Variants in CCDC39 observed in about 807,000 individuals in gnomAD.
CCDC39 encodes coiled-coil domain-containing protein 39.
CCDC39 carries 113 observed loss-of-function variants against 121.0 expected under a neutral mutation model. That is an observed-to-expected ratio of 0.93 (90% confidence interval 0.80 to 1.09). The LOEUF is 1.09. Among genes scored for constraint, CCDC39 ranks in the 50% least tolerant of loss-of-function variants. CCDC39 has a pLI of 0.00. For synonymous variants in CCDC39, 349 were observed against 352.2 expected (o/e 0.99, Z 0.10); for missense variants, 1,063 against 1,074.7 (o/e 0.99, Z 0.15).
Position 180,663,905 on chromosome 3 carries a change from G to C in CCDC39, c.172C>G (p.His58Asp). The C allele has an allele frequency of 6.2e-7, 1 of 1,612,326 alleles. No individual in the cohort carries two copies. The highest frequency in any genetic ancestry group is 8.5e-7 in the Non-Finnish European group (1 of 1,179,154). Reference protein sequence around the residue: ...YEERINSMTSHFKNVKQELSI... With the variant: ...YEERINSMTSDFKNVKQELSI... ...AGCTCTTGCTTAACATTTTTGAAGT[G>C]AGAAGTCATAGAATTAATTCGCTCT... The change falls in exon 2 of 20, where the codon CAC (histidine) becomes GAC (aspartate). Residue 58 changes from histidine (H) to aspartate (D), a missense_variant. Transcript: ENST00000476379.
In CCDC39 at chr3:180,659,704, G is replaced by A. The variant is rs954304277; in HGVS notation, c.582C>T (p.Asn194=). The A allele has an allele frequency of 8.7e-6, 14 of 1,612,022 alleles. No individual in the cohort carries two copies. The highest frequency in any genetic ancestry group is 1.7e-5 in the Admixed American group (1 of 59,844). Residue 194 remains asparagine, a synonymous_variant, in exon 5 of 20, where the codon AAC becomes AAT. Transcript: ENST00000476379. ...ECNQKRKILD[N]ELTETISAQL... ...GTGCGCTTATAGTCTCTGTAAGTTCGTTGTCAAGTATCTTTCTTTTCTGAT... is the reference window on the plus strand; with the variant it reads ...GTGCGCTTATAGTCTCTGTAAGTTCATTGTCAAGTATCTTTCTTTTCTGAT...
chr3:180,642,005 C>G lies in CCDC39; in HGVS notation c.1862G>C (p.Arg621Pro). 1 of 1,575,618 alleles carries G rather than the reference C, an allele frequency of 6.3e-7. No homozygotes were observed. Among genetic ancestry groups the G allele is most frequent in the South Asian group, 1.2e-5 (1 of 83,474 alleles). The change falls in exon 13 of 20, where the codon CGG (arginine) becomes CCG (proline). Residue 621 changes from arginine to proline, a missense_variant. By Grantham distance (103) the Arg-to-Pro change is moderately radical (BLOSUM62 -2). Coordinates refer to ENST00000476379, the MANE Select transcript of CCDC39 (RefSeq NM_181426.2). Reference sequence around the variant, plus strand: ...AACTGAAAATTACCTTATGTTTTCCCGTTCTTGATCAACATATCTTATTTG... The same window carrying G: ...AACTGAAAATTACCTTATGTTTTCCGGTTCTTGATCAACATATCTTATTTG... ...ASQIRYVDQE[R>P]ENISTEFRER...
At position 180,648,219 on chromosome 3, in the gene CCDC39, CT is replaced by C; in HGVS notation, c.1307del (p.Gln436ArgfsTer10). ...TRSSLKHLNH[Q>X]LQKLDFETLK... The stretch of plus-strand genomic sequence containing the variant: ...AGGTTTCAAAATCCAGTTTTTGTAA[CT>C]GATGGTTGAGATGTTTCAGAGAGGA... On this transcript the variant is annotated frameshift_variant, in exon 10 of 20. Transcript: ENST00000476379. LOFTEE classifies it high-confidence loss of function. 1 of 1,613,458 alleles carries C rather than the reference CT, an allele frequency of 6.2e-7. No homozygotes were observed. The highest frequency in any genetic ancestry group is 8.5e-7 in the Non-Finnish European group (1 of 1,179,596).
chr3:180,617,843 T>C, intron 16 of CCDC39: 1 of 183,704 alleles, frequency 5.4e-6, no homozygotes. Flanking sequence ...TAGGTGTACA[T>C]TATTTATCAT....
Position 180,628,845 on chromosome 3 carries a change from C to T in CCDC39, c.1998+2624G>A, listed in dbSNP as rs1036596349. On this transcript the variant is annotated intron_variant, in intron 14 of 19. Transcript: ENST00000476379. ...CAGTGGTTAGCATTGTAATCAAATT[C>T]CTATTACCCACAGCCATAAACATAA... 1.4e-4 allele frequency among the ~76,000 whole-genome samples: 22 copies of T among 152,242 alleles called. No individual in the cohort carries two copies. The Middle Eastern group carries it at 0.014, about 94-fold the overall frequency.
chr3:180,673,952 G>T (rs1269953291), intron 1 of CCDC39, among the ~76,000 whole-genome samples: 3 of 151,842 alleles, frequency 2.0e-5, no homozygotes, highest in Non-Finnish European at 2.9e-5. Flanking sequence ...ACAGTACTTG[G>T]CAATGCAGGC....
intron 14 of CCDC39, among the ~76,000 whole-genome samples, chr3:180,624,958 A>G (rs1461731229): frequency 6.6e-6 from 1 of 151,858 alleles, no homozygotes; most frequent in Non-Finnish European, 1.5e-5. Context: ...TTTCTCTTGC[A>G]GTTTCACTTT....
chr3:180,673,686 G>T (rs760229763), intron 1 of CCDC39, among the ~76,000 whole-genome samples: 1 of 151,980 alleles, frequency 6.6e-6, no homozygotes. Flanking sequence ...GAAAAACGAA[G>T]GTATGTGATC....
intron 9 of CCDC39, 93 bp downstream of exon 9, chr3:180,651,308 C>T (rs1436824735): frequency 2.1e-5 from 22 of 1,044,618 alleles, no homozygotes. Context: ...GAGCTTCTTA[C>T]AAGACCTCCT....
chr3:180,648,715 G>T (rs1308321383), intron 9 of CCDC39, among the ~76,000 whole-genome samples: 1 of 152,190 alleles, frequency 6.6e-6, no homozygotes, highest in Non-Finnish European at 1.5e-5. Flanking sequence ...TCTTGAGGGT[G>T]CTATGGGGAA....
intron 1 of CCDC39, among the ~76,000 whole-genome samples, chr3:180,669,375 A>T (rs1711971053): frequency 6.6e-6 from 1 of 152,166 alleles, no homozygotes; most frequent in South Asian, 2.1e-4. Flanking sequence ...AAAGAGCCCT[A>T]GGCATTTTCA....
chr3:180,614,346 A>G lies in CCDC39; in HGVS notation c.*575T>C, dbSNP rs79349285. The stretch of plus-strand genomic sequence containing the variant: ...ATTTATGCTGCATTTTAAAATTGAT[A>G]TACAGTGTTTCTCTTACCGGTTTTT... On this transcript the variant is annotated 3_prime_UTR_variant, in exon 20 of 20. Coordinates refer to ENST00000476379, the MANE Select transcript of CCDC39 (RefSeq NM_181426.2). The G allele has an allele frequency of 0.032, 3,641 of 115,470 alleles. 74 individuals carry two copies. Among genetic ancestry groups the G allele is most frequent in the Middle Eastern group, 0.11 (13 of 116 alleles). The allele number at this position is 115,470 out of a possible 1,614,324, so 7.2% of individuals were successfully genotyped here.
chr3:180,665,516 T>A (rs1353263876), intron 1 of CCDC39, among the ~76,000 whole-genome samples: 1 of 152,140 alleles, frequency 6.6e-6, no homozygotes, highest in African/African-American at 2.4e-5. Context: ...TATACTAATA[T>A]TAAATTTTTT....
At chr3:180,670,055 G>C (rs192574529) in intron 1 of CCDC39, among the ~76,000 whole-genome samples, 1 of 151,906 alleles carries the variant, frequency 6.6e-6, no homozygotes, top group Non-Finnish European at 1.5e-5. Flanking sequence ...CGAATCGATC[G>C]TTCTTATGGA....
chr3:180,628,410 T>C (rs1374963088), intron 14 of CCDC39, among the ~76,000 whole-genome samples: 1 of 152,138 alleles, frequency 6.6e-6, no homozygotes, highest in Non-Finnish European at 1.5e-5. Context: ...GGTTTCACCA[T>C]GTTAGCCAGG....
intron 1 of CCDC39, among the ~76,000 whole-genome samples, chr3:180,673,940 T>C (rs987000961): frequency 2.0e-5 from 3 of 151,506 alleles, no homozygotes; most frequent in African/African-American, 7.3e-5. Flanking sequence ...GAAATTAAAA[T>C]GACAGTACTT....
chr3:180,622,214 A>T (rs1034577497), intron 14 of CCDC39, among the ~76,000 whole-genome samples: 8 of 152,002 alleles, frequency 5.3e-5, no homozygotes, highest in African/African-American at 1.7e-4. Context: ...GTTCTCAGCT[A>T]TATCATTATT....
chr3:180,677,212 A>G (rs1240970803), intron 1 of CCDC39, among the ~76,000 whole-genome samples: 1 of 117,638 alleles, frequency 8.5e-6, no homozygotes, highest in Non-Finnish European at 1.8e-5. Context: ...ATATATATAT[A>G]TATAAAATCA....
intron 13 of CCDC39, among the ~76,000 whole-genome samples, chr3:180,632,026 C>G (rs1006894494): frequency 3.9e-5 from 6 of 152,098 alleles, no homozygotes; most frequent in Admixed American, 6.5e-5. Flanking sequence ...CCCATGGGAG[C>G]AAGAAGGGGC....
Sources: gnomAD v4.1 joint callset for allele counts (sites outside exome capture counted in the v4.1 genomes callset) on GRCh38, gnomAD v4.1.1 for gene constraint, MANE v1.5 for transcripts, NCBI Gene and HGNC (gene_info 2026-07-23, HGNC 2026-07-21) for gene names.